LHFPL3: variants seen among roughly 807,000 people sequenced by gnomAD.
LHFPL3 encodes the protein LHFPL tetraspan subfamily member 3 protein.
A neutral mutation model predicts 19.3 loss-of-function variants in LHFPL3; 5 were observed. The ratio of observed to expected loss-of-function variants is 0.26; its 90% CI spans 0.14 to 0.54. The LOEUF (loss-of-function observed/expected upper bound fraction) is 0.54. Ranked by LOEUF, LHFPL3 falls within the 20% of genes least tolerant of loss-of-function variation. The probability of loss-of-function intolerance (pLI) is 0.94; values close to 1 mark genes in which losing one functional copy is unlikely to be tolerated. For missense variants in LHFPL3, 249 were observed against 307.4 expected, an observed-to-expected ratio of 0.81 and a Z score of 1.42; for synonymous variants, 133 against 126.2, an observed-to-expected ratio of 1.05 and a Z score of -0.36.
At chr7:104,873,442 C>G (rs1791872527) in intron 2 of LHFPL3, among the ~76,000 whole-genome samples, 1 of 152,030 alleles carries the variant, frequency 6.6e-6, no homozygotes, top group Non-Finnish European at 1.5e-5. Context: ...GGCAACATAG[C>G]AAAACTCCAT....
rs80183676 is a variant in LHFPL3 at position 104,550,017 on chromosome 7, G to A, written c.446-186658G>A. ...TAAGGAATTGGCTCACACAGTTACG[G>A]AGGCTGAAAAATCCAAATCTGCAGG... On this transcript the variant is annotated intron_variant, in intron 1 of 2. Transcript: ENST00000424859. 6.6e-3 allele frequency among the ~76,000 whole-genome samples: 1,003 copies of A among 152,212 alleles called. 11 individuals carry two copies. The highest frequency in any genetic ancestry group is 0.023 in the African/African-American group (974 of 41,522).
intron 2 of LHFPL3, among the ~76,000 whole-genome samples, chr7:104,771,103 C>T (rs1291671242): frequency 6.6e-6 from 1 of 152,162 alleles, no homozygotes; most frequent in Admixed American, 6.5e-5. Context: ...CCAGCCCTTC[C>T]AGTTCTTTCT....
chr7:104,453,475 C>T (rs1792481472), intron 1 of LHFPL3, among the ~76,000 whole-genome samples: 1 of 151,924 alleles, frequency 6.6e-6, no homozygotes, highest in Admixed American at 6.6e-5. Flanking sequence ...GTTTTCGAGT[C>T]CTTGAGAAAG....
chr7:104,510,021 G>C (rs1008175726), intron 1 of LHFPL3, among the ~76,000 whole-genome samples: 2 of 151,994 alleles, frequency 1.3e-5, no homozygotes, highest in African/African-American at 4.8e-5. Context: ...GAGATACTTT[G>C]GGGTCCTAAA....
chr7:104,766,111 C>T (rs781088506), intron 2 of LHFPL3, among the ~76,000 whole-genome samples: 3 of 152,178 alleles, frequency 2.0e-5, no homozygotes, highest in Non-Finnish European at 2.9e-5. Flanking sequence ...TATGATGATA[C>T]GGAATGATCC....
chr7:104,506,109 T>C (rs931294144), intron 1 of LHFPL3, among the ~76,000 whole-genome samples: 6 of 151,974 alleles, frequency 3.9e-5, no homozygotes, highest in African/African-American at 1.4e-4. Context: ...CTCTGCCTCC[T>C]GAGTTCAAGT....
At chr7:104,645,560 A>T (rs1791916098) in intron 1 of LHFPL3, among the ~76,000 whole-genome samples, 1 of 151,704 alleles carries the variant, frequency 6.6e-6, no homozygotes, top group Non-Finnish European at 1.5e-5. Context: ...GAAGGAAATC[A>T]TGTATAAATG....
rs1294626993 is a variant in LHFPL3 at position 104,559,790 on chromosome 7, C to T, written c.446-176885C>T. On this transcript the variant is annotated intron_variant, in intron 1 of 2. Transcript: ENST00000424859. ...CAGAGGGAATGCTTCCAGTTTTTGC[C>T]CATTCAGTATGATATTGGCTGTGGG... Among the ~76,000 whole-genome samples the T allele has an allele frequency of 5.3e-5, 8 of 150,276 alleles. No homozygotes were observed. The East Asian group carries it at 1.5e-3, about 29-fold the overall frequency.
intron 1 of LHFPL3, among the ~76,000 whole-genome samples, chr7:104,427,179 A>G (rs1483700745): frequency 6.6e-6 from 1 of 152,202 alleles, no homozygotes; most frequent in Non-Finnish European, 1.5e-5. Flanking sequence ...GAGGTGCCAG[A>G]AGGGAAGAAA....
At chr7:104,748,332 A>T (rs908499791) in intron 2 of LHFPL3, among the ~76,000 whole-genome samples, 1 of 149,642 alleles carries the variant, frequency 6.7e-6, no homozygotes, top group Non-Finnish European at 1.5e-5. Context: ...CCCCAGCCCG[A>T]CACCCGTAAA....
chr7:104,562,940 C>T (rs960915497), intron 1 of LHFPL3, among the ~76,000 whole-genome samples: 78 of 151,998 alleles, frequency 5.1e-4, no homozygotes, highest in Non-Finnish European at 6.9e-4. Context: ...AGTACCCTGC[C>T]GTGTGAGGTG....
chr7:104,552,223 G>C (rs1438571581), intron 1 of LHFPL3, among the ~76,000 whole-genome samples: 1 of 152,170 alleles, frequency 6.6e-6, no homozygotes, highest in Non-Finnish European at 1.5e-5. Flanking sequence ...AGCAAGGCAT[G>C]AGCCACATAA....
chr7:104,520,093 T>C (rs1034781391), intron 1 of LHFPL3, among the ~76,000 whole-genome samples: 1 of 151,992 alleles, frequency 6.6e-6, no homozygotes, highest in East Asian at 1.9e-4. Flanking sequence ...TTGTCATAGA[T>C]AGCTCTTATT....
At chr7:104,885,258 G>A (rs1183160764) in intron 2 of LHFPL3, among the ~76,000 whole-genome samples, 2 of 152,190 alleles carry the variant, frequency 1.3e-5, no homozygotes, top group Non-Finnish European at 2.9e-5. Flanking sequence ...TCCCTCCAAG[G>A]GTGGTATGGT....
intron 1 of LHFPL3, among the ~76,000 whole-genome samples, chr7:104,698,719 G>A (rs1182766925): frequency 6.6e-6 from 1 of 152,116 alleles, no homozygotes; most frequent in Non-Finnish European, 1.5e-5. Context: ...CCAGATGAAG[G>A]AATATTATTC....
intron 2 of LHFPL3, among the ~76,000 whole-genome samples, chr7:104,760,804 A>G (rs1462334866): frequency 1.3e-5 from 2 of 152,068 alleles, no homozygotes; most frequent in East Asian, 3.8e-4. Context: ...GGCACTTTCA[A>G]TCTTCCTACC....
intron 1 of LHFPL3, among the ~76,000 whole-genome samples, chr7:104,570,050 A>G (rs1790203326): frequency 6.6e-6 from 1 of 152,224 alleles, no homozygotes. Flanking sequence ...TTTCTCTCAA[A>G]TACATCTGCT....
At chr7:104,474,431 G>A (rs753434760) in intron 1 of LHFPL3, among the ~76,000 whole-genome samples, 10 of 151,936 alleles carry the variant, frequency 6.6e-5, no homozygotes, top group Non-Finnish European at 1.3e-4. Context: ...TTGGGAGGTC[G>A]AGGCAGGCGC....
chr7:104,564,790 C>A (rs750415886), intron 1 of LHFPL3, among the ~76,000 whole-genome samples: 2 of 152,144 alleles, frequency 1.3e-5, no homozygotes, highest in Non-Finnish European at 2.9e-5. Flanking sequence ...AACCTGACAG[C>A]GCCACTCCAG....
Sources: gnomAD v4.1 joint callset for allele counts (sites outside exome capture counted in the v4.1 genomes callset) on GRCh38, gnomAD v4.1.1 for gene constraint, MANE v1.5 for transcripts, NCBI Gene and HGNC (gene_info 2026-07-23, HGNC 2026-07-21) for gene names.